The following NEO1 variants were observed in gnomAD, a reference collection of about 807,000 sequenced individuals.
NEO1 encodes the protein neogenin 1.
A neutral mutation model predicts 159.7 loss-of-function variants in NEO1; 63 were observed. That is an observed-to-expected ratio of 0.39 (90% confidence interval 0.32 to 0.49). The LOEUF (loss-of-function observed/expected upper bound fraction) is 0.49. NEO1 is among the 20% of genes least tolerant of loss of function. NEO1 has a pLI of 0.85. For missense variants in NEO1, 1,615 were observed against 1,831.0 expected (o/e 0.88, Z 2.15); for synonymous variants, 633 against 662.0 (o/e 0.96, Z 0.67).
intron 6 of NEO1, among the ~76,000 whole-genome samples, chr15:73,176,959 T>G (rs996350858): frequency 6.6e-6 from 1 of 152,218 alleles, no homozygotes; most frequent in Non-Finnish European, 1.5e-5. Flanking sequence ...TGTGGAAAGA[T>G]GATCCTTTTG....
At chr15:73,233,294 C>T (rs952574176) in intron 7 of NEO1, among the ~76,000 whole-genome samples, 5 of 152,162 alleles carry the variant, frequency 3.3e-5, no homozygotes, top group Non-Finnish European at 5.9e-5. Context: ...TTACAATGAT[C>T]AGGCATTTTT....
At chr15:73,183,985 G>A (rs548219142) in intron 7 of NEO1, among the ~76,000 whole-genome samples, 18 of 152,144 alleles carry the variant, frequency 1.2e-4, no homozygotes, top group East Asian at 5.8e-4. Context: ...TCAGCATACC[G>A]TGTTCAGCAT....
chr15:73,266,969 T>C (rs2040931949), intron 16 of NEO1, among the ~76,000 whole-genome samples: 1 of 152,176 alleles, frequency 6.6e-6, no homozygotes, highest in Admixed American at 6.5e-5. Context: ...ACTTAAAATA[T>C]CTCTAAAGGC....
chr15:73,052,252 G>A (rs2067469805), upstream of NEO1, among the ~76,000 whole-genome samples: 1 of 146,438 alleles, frequency 6.8e-6, no homozygotes, highest in Non-Finnish European at 1.5e-5. Flanking sequence ...CCGAGGGGGT[G>A]CGGGCGAGGC....
At chr15:73,113,341 G>C (rs1459633556) in intron 1 of NEO1, among the ~76,000 whole-genome samples, 1 of 152,152 alleles carries the variant, frequency 6.6e-6, no homozygotes, top group African/African-American at 2.4e-5. Context: ...GAAGTTTTTA[G>C]AAGTTATCTG....
At chr15:73,100,258 C>T (rs187099194) in intron 1 of NEO1, among the ~76,000 whole-genome samples, 176 of 152,152 alleles carry the variant, frequency 1.2e-3, no homozygotes, top group Middle Eastern at 0.01. Context: ...ACATTATAGC[C>T]GTGCTATTTT....
At chr15:73,082,264 C>T (rs1595931075) in intron 1 of NEO1, among the ~76,000 whole-genome samples, 2 of 152,110 alleles carry the variant, frequency 1.3e-5, no homozygotes, top group Non-Finnish European at 1.5e-5. Flanking sequence ...AGATATGTAA[C>T]ATTTTCCTCC....
At position 73,267,375 on chromosome 15, in the gene NEO1, G is replaced by C. The variant is rs573840860; in HGVS notation, c.2494+964G>C. On this transcript the variant is annotated intron_variant, in intron 16 of 28. Transcript: ENST00000261908. Reference sequence around the variant, plus strand: ...AAGAGAAAGTTTATTGAATATGTTAGAGTTATAAATTTTTTTTCTTTTTTT... The same window carrying C: ...AAGAGAAAGTTTATTGAATATGTTACAGTTATAAATTTTTTTTCTTTTTTT... Among the ~76,000 whole-genome samples the C allele has an allele frequency of 7.4e-4, 113 of 152,268 alleles. 1 individual carries two copies. The highest frequency in any genetic ancestry group is 1.3e-3 in the Non-Finnish European group (89 of 68,012).
At chr15:73,267,362 A>G (rs1193765729) in intron 16 of NEO1, among the ~76,000 whole-genome samples, 1 of 152,242 alleles carries the variant, frequency 6.6e-6, no homozygotes, top group African/African-American at 2.4e-5. Context: ...GAGAAAGTTT[A>G]TTGAATATGT....
At chr15:73,146,844 C>A (rs1184918489) in intron 5 of NEO1, among the ~76,000 whole-genome samples, 1 of 152,180 alleles carries the variant, frequency 6.6e-6, no homozygotes, top group Non-Finnish European at 1.5e-5. Flanking sequence ...AAGATTCTGC[C>A]TGTTTGCTGT....
intron 7 of NEO1, among the ~76,000 whole-genome samples, chr15:73,221,428 C>T (rs1299122975): frequency 2.0e-5 from 3 of 152,216 alleles, no homozygotes; most frequent in African/African-American, 7.2e-5. Flanking sequence ...TCTCCAGCTG[C>T]GTGCTGGGAG....
chr15:73,165,475 A>T (rs533632110), intron 5 of NEO1, among the ~76,000 whole-genome samples: 13 of 152,354 alleles, frequency 8.5e-5, no homozygotes, highest in African/African-American at 3.1e-4. Flanking sequence ...AGAATCAGAG[A>T]GCAGGTGAAT....
rs1212821730 is a variant in NEO1 at position 73,136,014 on chromosome 15, G to C, written c.1002G>C (p.Glu334Asp). Reference protein sequence around the residue: ...NGNETIEAQAELTVQAQPEFL... With the variant: ...NGNETIEAQADLTVQAQPEFL... ...ATGAGACAATTGAAGCTCAAGCAGA[G>C]CTTACAGTGCAAGGTATGTAAATAT... Residue 334 changes from glutamate to aspartate, a missense_variant, in exon 5 of 29, where the codon GAG becomes GAC. This residue lies in a region of NEO1 where 1,018 missense variants were observed against 1,115.4 expected (regional missense o/e 0.91). Coordinates refer to ENST00000261908, the MANE Select transcript of NEO1 (RefSeq NM_002499.4). 1 of 1,608,778 alleles carries C rather than the reference G, an allele frequency of 6.2e-7. No individual in the cohort carries two copies.
intron 1 of NEO1, among the ~76,000 whole-genome samples, chr15:73,098,544 G>T (rs2151491438): frequency 6.6e-6 from 1 of 152,116 alleles, no homozygotes; most frequent in South Asian, 2.1e-4. Flanking sequence ...CACTTAATTT[G>T]TTATAGAAAT....
intron 1 of NEO1, among the ~76,000 whole-genome samples, chr15:73,075,896 T>G (rs2068747313): frequency 1.3e-5 from 2 of 152,218 alleles, no homozygotes; most frequent in African/African-American, 4.8e-5. Flanking sequence ...GCACTTTACT[T>G]GAGCTGTGAC....
intron 7 of NEO1, among the ~76,000 whole-genome samples, chr15:73,181,803 A>G (rs1567408761): frequency 6.6e-6 from 1 of 152,142 alleles, no homozygotes; most frequent in African/African-American, 2.4e-5. Flanking sequence ...TATCCAGACT[A>G]TGTCAGAGGT....
intron 1 of NEO1, among the ~76,000 whole-genome samples, chr15:73,061,155 G>C (rs2067957700): frequency 6.6e-6 from 1 of 152,218 alleles, no homozygotes; most frequent in Admixed American, 6.5e-5. Context: ...GCCCATAGCT[G>C]ATCAGAAGTG....
intron 7 of NEO1, among the ~76,000 whole-genome samples, chr15:73,200,233 G>C (rs2036783638): frequency 6.6e-6 from 1 of 152,038 alleles, no homozygotes; most frequent in East Asian, 1.9e-4. Flanking sequence ...GGGCTATTCA[G>C]GTATTCAGGT....
In NEO1 at chr15:73,116,550, T is replaced by G. The variant is rs1381012623; in HGVS notation, c.141T>G (p.Ile47Met). ...GSAPQSPGAS[I>M]RTFTPFYFLV... Reference sequence around the variant, plus strand: ...TCTTTATTTTTGTAGGAGCCAGCATTCGAACGTTCACTCCATTTTATTTTC... The same window carrying G: ...TCTTTATTTTTGTAGGAGCCAGCATGCGAACGTTCACTCCATTTTATTTTC... Residue 47 changes from isoleucine (I) to methionine (M), a missense_variant, in exon 2 of 29, where the codon ATT becomes ATG. Transcript: ENST00000261908. The G allele has an allele frequency of 1.9e-5, 29 of 1,523,278 alleles. No homozygotes were observed. In the Admixed American group the frequency reaches 6.8e-4, roughly 36 times the overall value. 94.4% of individuals were successfully genotyped at this position (1,523,278 alleles called of 1,614,324 possible). A position where few individuals can be genotyped will look rare whatever the true frequency, so the allele number is the denominator to read the frequency against.
Sources: allele counts gnomAD v4.1 joint callset (sites outside exome capture counted in the v4.1 genomes callset), GRCh38; gene constraint gnomAD v4.1.1; regional missense constraint gnomAD v4.1.1; transcripts MANE v1.5; gene names NCBI Gene and HGNC (gene_info 2026-07-23, HGNC 2026-07-21).